The following RRM2B variants were observed in gnomAD, a reference collection of about 807,000 sequenced individuals.
RRM2B encodes ribonucleotide reductase regulatory TP53 inducible subunit M2B, also known as ribonucleoside-diphosphate reductase subunit M2 B.
RRM2B carries 20 observed loss-of-function variants against 45.9 expected under a neutral mutation model. That is an observed-to-expected ratio of 0.44 (90% CI 0.31 to 0.63). The LOEUF is 0.63. Ranked by LOEUF, RRM2B falls within the 30% of genes least tolerant of loss-of-function variation. The pLI is 0.09. For missense variants in RRM2B, 320 were observed against 414.7 expected (o/e 0.77, Z 1.98); for synonymous variants, 124 against 132.3 (o/e 0.94, Z 0.43).
intron 6 of RRM2B, among the ~76,000 whole-genome samples, chr8:102,215,944 C>CAAAAAAAAAAAAA (rs60059243): frequency 8.2e-4 from 62 of 75,610 alleles, no homozygotes; most frequent in Non-Finnish European, 1.1e-3. Context: ...GACCCTGTCT[C>CAAAAAAAAAAAAA]AAAAAAAAAA....
intron 5 of RRM2B, among the ~76,000 whole-genome samples, chr8:102,220,239 AATC>A (rs921057172): frequency 1.3e-5 from 2 of 152,134 alleles, no homozygotes; most frequent in South Asian, 2.1e-4. Flanking sequence ...CCATCTCAAA[AATC>A]ATCATCATCA....
chr8:102,231,045 T>C (rs547935766), intron 2 of RRM2B, among the ~76,000 whole-genome samples: 1 of 152,348 alleles, frequency 6.6e-6, no homozygotes, highest in South Asian at 2.1e-4. Flanking sequence ...GATTCAAATC[T>C]ATCTATCCAA....
intron 6 of RRM2B, 124 bp from the exon 7 acceptor site, chr8:102,214,282 A>T (rs1810687318): frequency 5.7e-6 from 4 of 704,118 alleles, no homozygotes; most frequent in Non-Finnish European, 5.2e-6. Context: ...AAAATGGAAG[A>T]GGGGTTAATA....
rs762194132 is a variant in RRM2B at position 102,224,864 on chromosome 8, TAAATA to T, written c.455+16_455+20del. 17 of 1,611,164 alleles carry T rather than the reference TAAATA, an allele frequency of 1.1e-5. No individual in the cohort carries two copies. The East Asian group carries it at 3.8e-4, about 36-fold the overall frequency. On this transcript the variant is annotated intron_variant, in intron 4 of 8. Coordinates refer to ENST00000251810, the MANE Select transcript of RRM2B (RefSeq NM_015713.5). The stretch of plus-strand genomic sequence containing the variant: ...TAACCAAGCCGTAAGCAATATTTTG[TAAATA>T]AAATCCCAACAATACCTTTTCTTGG...
chr8:102,225,736 G>C (rs1810920926), intron 3 of RRM2B, among the ~76,000 whole-genome samples, 182 bp downstream of exon 3: 1 of 152,156 alleles, frequency 6.6e-6, no homozygotes, highest in Admixed American at 6.5e-5. Context: ...ATTTATGCTT[G>C]ATTTAATAAT....
At chr8:102,236,976 T>C (rs541752688) in intron 1 of RRM2B, among the ~76,000 whole-genome samples, 1 of 149,676 alleles carries the variant, frequency 6.7e-6, no homozygotes, top group South Asian at 2.1e-4. Context: ...TCCGTTTCTT[T>C]GCCTTTATGT....
At chr8:102,230,893 T>C (rs1164887307) in intron 2 of RRM2B, among the ~76,000 whole-genome samples, 1 of 152,244 alleles carries the variant, frequency 6.6e-6, no homozygotes, top group African/African-American at 2.4e-5. Context: ...CTGATGAGGA[T>C]ACACAGAGAG....
chr8:102,232,085 C>T (rs1811040091), intron 2 of RRM2B, 64 bp downstream of exon 2: 17 of 1,411,816 alleles, frequency 1.2e-5, no homozygotes, highest in Non-Finnish European at 1.6e-5. Flanking sequence ...ATTCAATATC[C>T]TGTAAAACAA....
chr8:102,226,312 G>A (rs1028599321), intron 2 of RRM2B, among the ~76,000 whole-genome samples: 1 of 150,102 alleles, frequency 6.7e-6, no homozygotes, highest in Non-Finnish European at 1.5e-5. Context: ...GTTACATAAT[G>A]GGTAACCATT....
At chr8:102,222,660 A>G (rs1587177383) in intron 5 of RRM2B, among the ~76,000 whole-genome samples, 1 of 152,202 alleles carries the variant, frequency 6.6e-6, no homozygotes, top group East Asian at 1.9e-4. Context: ...GCTAAATAAA[A>G]TATTCCTCCC....
At position 102,215,256 on chromosome 8, in the gene RRM2B, T is replaced by C. The variant is rs139390972; in HGVS notation, c.685-1098A>G. 1.1e-3 allele frequency among the ~76,000 whole-genome samples: 164 copies of C among 150,748 alleles called. 3 individuals are homozygous for C. In the East Asian group the frequency reaches 0.024, roughly 22 times the overall value. ...GGCAAAACCCCATCTCTGCAAAAAA[T>C]ACAAAAATTAGTCAGGCATGGTGCA... On this transcript the variant is annotated intron_variant, in intron 6 of 8. Transcript: ENST00000251810.
At chr8:102,228,580 G>C (rs1490823174) in intron 2 of RRM2B, among the ~76,000 whole-genome samples, 1 of 152,234 alleles carries the variant, frequency 6.6e-6, no homozygotes, top group Non-Finnish European at 1.5e-5. Context: ...AGCTAAAAGA[G>C]AGTTAACTAT....
Position 102,206,572 on chromosome 8 carries a change from C to G in RRM2B, c.*1561G>C, listed in dbSNP as rs1810547319. 1 of 152,076 alleles carries G rather than the reference C, an allele frequency of 6.6e-6. No individual in the cohort carries two copies. Among genetic ancestry groups the G allele is most frequent in the Non-Finnish European group, 1.5e-5 (1 of 67,988 alleles). The allele number at this position is 152,076 out of a possible 1,614,324, so 9.4% of individuals were successfully genotyped here. On this transcript the variant is annotated 3_prime_UTR_variant, in exon 9 of 9. Coordinates refer to ENST00000251810, the MANE Select transcript of RRM2B (RefSeq NM_015713.5). The stretch of plus-strand genomic sequence containing the variant: ...CAAAATTTATGCAAAGAGAAAATCT[C>G]TAAGTTTTAGCATCCAGAATTGTAT...
intron 1 of RRM2B, among the ~76,000 whole-genome samples, chr8:102,238,077 A>G (rs1044256190): frequency 6.6e-6 from 1 of 152,202 alleles, no homozygotes; most frequent in Non-Finnish European, 1.5e-5. Flanking sequence ...CTACCATACA[A>G]TCCTACAGTC....
intron 6 of RRM2B, among the ~76,000 whole-genome samples, chr8:102,215,384 T>C (rs970489245): frequency 9.3e-5 from 14 of 151,070 alleles, no homozygotes; most frequent in African/African-American, 3.4e-4. Flanking sequence ...CACTCCAGCC[T>C]GGGTGACAGT....
intron 6 of RRM2B, among the ~76,000 whole-genome samples, chr8:102,215,405 C>CAAA (rs553411812): frequency 4.9e-5 from 6 of 123,132 alleles, no homozygotes; most frequent in Admixed American, 2.4e-4. Context: ...GAGACTGTTT[C>CAAA]AAAAAAAAAA....
rs2132538213 is a variant in RRM2B, at chr8:102,206,667, T to C, written c.*1466A>G. 6.6e-6 allele frequency: 1 copy of C among 152,234 alleles called. No individual in the cohort carries two copies. The highest frequency in any genetic ancestry group is 1.5e-5 in the Non-Finnish European group (1 of 67,982). The allele number at this position is 152,234 out of a possible 1,614,324, so 9.4% of individuals were successfully genotyped here. ...ATACAGAATACCAAATAATAATGTA[T>C]TAAAAATTCAGTATTTCAGTATTAA... On this transcript the variant is annotated 3_prime_UTR_variant, in exon 9 of 9. Transcript: ENST00000251810.
Position 102,204,908 on chromosome 8 carries a change from C to G in RRM2B, c.*3225G>C, listed in dbSNP as rs1810517802. 1 of 152,130 alleles carries G rather than the reference C, an allele frequency of 6.6e-6. No homozygotes were observed. Among genetic ancestry groups the G allele is most frequent in the Non-Finnish European group, 1.5e-5 (1 of 67,996 alleles). The allele number at this position is 152,130 out of a possible 1,614,324, so 9.4% of individuals were successfully genotyped here. ...CCATCTTCACTTACATTTTTTTAAA[C>G]AAGATTAAGCCCCAAATTGAAGGGA... On this transcript the variant is annotated 3_prime_UTR_variant, in exon 9 of 9. Transcript: ENST00000251810.
intron 1 of RRM2B, among the ~76,000 whole-genome samples, chr8:102,235,027 TA>T (rs919622575): frequency 2.6e-5 from 4 of 152,200 alleles, no homozygotes; most frequent in African/African-American, 9.6e-5. Flanking sequence ...TGCTTTGATA[TA>T]AAACACTTTG....
Sources: gnomAD v4.1 joint callset for allele counts (sites outside exome capture counted in the v4.1 genomes callset) on GRCh38, gnomAD v4.1.1 for gene constraint, MANE v1.5 for transcripts, NCBI Gene and HGNC (gene_info 2026-07-23, HGNC 2026-07-21) for gene names.